MIB1: variants seen among roughly 807,000 people sequenced by gnomAD.
MIB1 encodes the protein E3 ubiquitin-protein ligase MIB1.
In MIB1, 278 loss-of-function variants were observed where a neutral mutation model predicts 124.5. The observed-to-expected ratio is 2.23, with a 90% CI of 2.02 to 2.47. The LOEUF (loss-of-function observed/expected upper bound fraction) is 2.47. Ranked by LOEUF, MIB1 falls within the 30% of genes most tolerant of loss-of-function variation. The pLI, the probability that MIB1 is intolerant of heterozygous loss-of-function variation, is 0.00. For missense variants in MIB1, 957 were observed against 1,254.4 expected (o/e 0.76, Z 3.58); for synonymous variants, 446 against 429.4 (o/e 1.04, Z -0.48).
chr18:21,789,670 A>T (rs1195844130), intron 6 of MIB1, among the ~76,000 whole-genome samples: 1 of 152,138 alleles, frequency 6.6e-6, no homozygotes, highest in East Asian at 1.9e-4. Flanking sequence ...TACAAAAATT[A>T]GCTGAGCGTT....
rs77522205 is a variant in MIB1 at position 21,781,275 on chromosome 18, A to C, written c.908+1590A>C. On this transcript the variant is annotated intron_variant, in intron 6 of 20. Coordinates refer to ENST00000261537, the MANE Select transcript of MIB1 (RefSeq NM_020774.4). ...CTTTAAATGTTTGGTAGAATCTGGCATTGAAACCATCAGGCCCTGGGGCTT... is the reference window on the plus strand; with the variant it reads ...CTTTAAATGTTTGGTAGAATCTGGCCTTGAAACCATCAGGCCCTGGGGCTT... 8.0e-5 allele frequency among the ~76,000 whole-genome samples: 12 copies of C among 149,424 alleles called. No homozygotes were observed. The East Asian group carries it at 2.0e-3, about 25-fold the overall frequency.
At chr18:21,818,433 G>A (rs2041849892) in intron 11 of MIB1, among the ~76,000 whole-genome samples, 2 of 152,108 alleles carry the variant, frequency 1.3e-5, no homozygotes, top group Admixed American at 1.3e-4. Context: ...AATTTGGGGG[G>A]CAGCTTTATC....
chr18:21,853,294 T>A, intron 18 of MIB1, 76 bp downstream of exon 18: 1 of 1,127,704 alleles, frequency 8.9e-7, no homozygotes, highest in Non-Finnish European at 1.3e-6. Context: ...TTTTGAGGGT[T>A]TTTTTGCTTT....
chr18:21,727,595 C>A (rs550709859), intron 1 of MIB1, among the ~76,000 whole-genome samples: 16 of 152,198 alleles, frequency 1.1e-4, no homozygotes, highest in African/African-American at 3.4e-4. Context: ...AACAAACAAA[C>A]AAACAAAAAC....
chr18:21,772,799 G>A (rs760168345), intron 3 of MIB1, among the ~76,000 whole-genome samples: 2 of 152,042 alleles, frequency 1.3e-5, no homozygotes, highest in Non-Finnish European at 2.9e-5. Flanking sequence ...CTGCAACTGC[G>A]GGATACTGTT....
intron 1 of MIB1, among the ~76,000 whole-genome samples, chr18:21,726,193 A>G (rs1464705030): frequency 1.3e-5 from 2 of 152,176 alleles, no homozygotes; most frequent in East Asian, 3.9e-4. Context: ...GCAGTGAGCT[A>G]TGATGGCACC....
chr18:21,820,580 AT>A (rs925147812), intron 12 of MIB1, among the ~76,000 whole-genome samples: 1 of 151,954 alleles, frequency 6.6e-6, no homozygotes, highest in Non-Finnish European at 1.5e-5. Context: ...TCACATCTTG[AT>A]TTTTTTTCCA....
chr18:21,729,283 C>T (rs1344014704), intron 1 of MIB1, among the ~76,000 whole-genome samples: 1 of 152,160 alleles, frequency 6.6e-6, no homozygotes, highest in East Asian at 1.9e-4. Flanking sequence ...GTTCGGGCTG[C>T]TATAACAAAA....
At chr18:21,714,606 G>A (rs1388681066) in intron 1 of MIB1, among the ~76,000 whole-genome samples, 1 of 152,082 alleles carries the variant, frequency 6.6e-6, no homozygotes, top group African/African-American at 2.4e-5. Context: ...GCTGAATCTG[G>A]GTTGGCCTTG....
intron 12 of MIB1, among the ~76,000 whole-genome samples, chr18:21,824,333 G>T (rs1000304927): frequency 6.6e-6 from 1 of 152,036 alleles, no homozygotes; most frequent in African/African-American, 2.4e-5. Context: ...TTTCCTTCTC[G>T]AATGTTGTGA....
At chr18:21,819,454 A>T in intron 11 of MIB1, 41 bp from the exon 12 acceptor site, 1 of 1,304,494 alleles carries the variant, frequency 7.7e-7, no homozygotes, top group Non-Finnish European at 1.1e-6. Context: ...TAGATGGGAT[A>T]ATTAATTGAA....
At position 21,870,216 on chromosome 18, in the gene MIB1, G is replaced by A. The variant is rs2042345875; in HGVS notation, c.*5550G>A. The A allele has an allele frequency of 6.6e-6, 1 of 152,356 alleles. No individual in the cohort carries two copies. Among genetic ancestry groups the A allele is most frequent in the Non-Finnish European group, 1.5e-5 (1 of 67,938 alleles). The allele number at this position is 152,356 out of a possible 1,614,324, so 9.4% of individuals were successfully genotyped here. On this transcript the variant is annotated 3_prime_UTR_variant, in exon 21 of 21. Coordinates refer to ENST00000261537, the MANE Select transcript of MIB1 (RefSeq NM_020774.4). ...TTTGGAGAATTATTCTTTTATAGTA[G>A]TATACATGAATTTTGATTTTTAAAG...
chr18:21,774,415 C>T (rs1003060392), intron 4 of MIB1, among the ~76,000 whole-genome samples: 1 of 152,128 alleles, frequency 6.6e-6, no homozygotes, highest in African/African-American at 2.4e-5. Context: ...ATGGTGAAAC[C>T]CTGTCTTTAC....
upstream of MIB1, among the ~76,000 whole-genome samples, chr18:21,737,246 G>T (rs928817724): frequency 1.7e-4 from 26 of 152,234 alleles, no homozygotes; most frequent in South Asian, 8.3e-4. Flanking sequence ...TTAAAGAAAA[G>T]AATTTTCAAC....
chr18:21,818,080 T>C (rs1438942464), intron 11 of MIB1, among the ~76,000 whole-genome samples: 1 of 152,228 alleles, frequency 6.6e-6, no homozygotes, highest in Non-Finnish European at 1.5e-5. Context: ...TAAATTTTAA[T>C]TTACAATTGT....
chr18:21,792,206 T>C (rs1205351053), intron 7 of MIB1, among the ~76,000 whole-genome samples: 1 of 152,060 alleles, frequency 6.6e-6, no homozygotes, highest in Non-Finnish European at 1.5e-5. Flanking sequence ...TGCTGTGTCC[T>C]CCTCTGTAGT....
At chr18:21,769,645 A>T (rs1038489276) in intron 3 of MIB1, among the ~76,000 whole-genome samples, 7 of 152,208 alleles carry the variant, frequency 4.6e-5, no homozygotes, top group African/African-American at 1.7e-4. Flanking sequence ...ACATTCTAGT[A>T]ACTTCTTTTG....
intron 10 of MIB1, chr18:21,812,498 T>C (rs1354734387): frequency 6.6e-6 from 1 of 152,190 alleles, no homozygotes. Context: ...TGAATTAGTC[T>C]GTGGTAGAGT....
At position 21,864,715 on chromosome 18, in the gene MIB1, C is replaced by T; in HGVS notation, c.*49C>T. The T allele has an allele frequency of 6.9e-7, 1 of 1,446,504 alleles. No individual in the cohort carries two copies. The highest frequency in any genetic ancestry group is 9.5e-7 in the Non-Finnish European group (1 of 1,047,720). 89.6% of individuals were successfully genotyped at this position (1,446,504 alleles called of 1,614,324 possible). A position where few individuals can be genotyped will look rare whatever the true frequency, so the allele number is the denominator to read the frequency against. On this transcript the variant is annotated 3_prime_UTR_variant, in exon 21 of 21. Transcript: ENST00000261537. ...TAGCTAATGTATCTAGTCATGAGAT[C>T]TTAATAGGCTTTTGATCTAGTTGGA...
Sources: gnomAD v4.1 joint callset for allele counts (sites outside exome capture counted in the v4.1 genomes callset) on GRCh38, gnomAD v4.1.1 for gene constraint, MANE v1.5 for transcripts, NCBI Gene and HGNC (gene_info 2026-07-23, HGNC 2026-07-21) for gene names.